The following SLC22A24 variants were observed in gnomAD, a reference collection of about 807,000 sequenced individuals.
The protein encoded by SLC22A24 is steroid transmembrane transporter SLC22A24.
SLC22A24 carries 53 observed loss-of-function variants against 49.8 expected under a neutral mutation model. The observed-to-expected ratio is 1.06, with a 90% CI of 0.85 to 1.34. The LOEUF (loss-of-function observed/expected upper bound fraction) is 1.34. Among genes scored for constraint, SLC22A24 ranks in the 40% most tolerant of loss-of-function variants. SLC22A24 has a pLI of 0.00. For missense variants in SLC22A24, 786 were observed against 675.9 expected (o/e 1.16, Z -1.81); for synonymous variants, 302 against 256.4 (o/e 1.18, Z -1.70).
At chr11:63,106,088 C>T (rs866542799) in intron 4 of SLC22A24, among the ~76,000 whole-genome samples, 3 of 135,102 alleles carry the variant, frequency 2.2e-5, no homozygotes, top group Non-Finnish European at 4.7e-5. Context: ...CCCCTCCCCC[C>T]ACCCCACAAC....
At chr11:63,098,293 A>T (rs1210566991) in intron 5 of SLC22A24, among the ~76,000 whole-genome samples, 1 of 152,198 alleles carries the variant, frequency 6.6e-6, no homozygotes, top group East Asian at 1.9e-4. Flanking sequence ...GACACACAAC[A>T]TACCAAAACC....
chr11:63,108,234 A>G (rs945554786), intron 4 of SLC22A24, among the ~76,000 whole-genome samples: 2 of 152,114 alleles, frequency 1.3e-5, no homozygotes, highest in Non-Finnish European at 2.9e-5. Context: ...GATGGATTAC[A>G]TTTATTGATT....
At chr11:63,125,973 T>C (rs2134673232) in intron 2 of SLC22A24, among the ~76,000 whole-genome samples, 1 of 152,338 alleles carries the variant, frequency 6.6e-6, no homozygotes, top group East Asian at 1.9e-4. Flanking sequence ...GAAGTGTCTG[T>C]TCATATCCTT....
intron 2 of SLC22A24, among the ~76,000 whole-genome samples, chr11:63,121,124 A>G (rs1415436118): frequency 6.6e-6 from 1 of 152,160 alleles, no homozygotes. Context: ...ACTGAGCCCT[A>G]AGATAAACTA....
intron 4 of SLC22A24, among the ~76,000 whole-genome samples, chr11:63,114,323 A>C (rs1196928024): frequency 6.6e-6 from 1 of 152,044 alleles, no homozygotes; most frequent in African/African-American, 2.4e-5. Context: ...TTGATCTTCA[A>C]TCACTGATAC....
rs569663314 is a variant in SLC22A24, at chr11:63,089,739, A to C, written c.1070+6252T>G. ...GGCAAGCAAAAAAAGCAGGAGTTGC[A>C]ATCTTAGTCTCTGATAAAACAGACT... On this transcript the variant is annotated intron_variant, in intron 6 of 9. Transcript: ENST00000612278. Among the ~76,000 whole-genome samples the C allele has an allele frequency of 4.6e-5, 7 of 152,278 alleles. No homozygotes were observed. In the South Asian group the frequency reaches 1.5e-3, roughly 32 times the overall value.
chr11:63,098,901 CAAAT>C (rs1461142576), intron 5 of SLC22A24, among the ~76,000 whole-genome samples: 1 of 151,718 alleles, frequency 6.6e-6, no homozygotes, highest in African/African-American at 2.4e-5. Context: ...AGAGAAGACT[CAAAT>C]AAAATCAGAA....
chr11:63,113,028 AAAAAAAAAT>A (rs2087178677), intron 4 of SLC22A24, among the ~76,000 whole-genome samples: 1 of 52,794 alleles, frequency 1.9e-5, no homozygotes, highest in African/African-American at 7.8e-5. Flanking sequence ...AAAAAAAAAA[AAAAAAAAAT>A]ATATATATAT....
At chr11:63,122,584 G>A (rs1051796895) in intron 2 of SLC22A24, among the ~76,000 whole-genome samples, 5 of 152,102 alleles carry the variant, frequency 3.3e-5, no homozygotes, top group East Asian at 3.9e-4. Flanking sequence ...GTGCCATCTC[G>A]GCTCACTGCA....
chr11:63,131,734 G>A (rs1187712128), intron 2 of SLC22A24, among the ~76,000 whole-genome samples: 1 of 152,058 alleles, frequency 6.6e-6, no homozygotes, highest in East Asian at 1.9e-4. Flanking sequence ...TTTCTACCTT[G>A]GTGAATCTGA....
intron 2 of SLC22A24, among the ~76,000 whole-genome samples, chr11:63,130,076 A>G (rs1387774749): frequency 6.6e-6 from 1 of 152,174 alleles, no homozygotes. Flanking sequence ...GAATGCTTCC[A>G]GTTTTTGCCC....
intron 4 of SLC22A24, among the ~76,000 whole-genome samples, chr11:63,113,035 A>AAAT (rs1565331990): frequency 6.6e-5 from 1 of 15,130 alleles, no homozygotes; most frequent in Admixed American, 9.6e-4. Context: ...AAAAAAAAAA[A>AAAT]ATATATATAT....
At chr11:63,129,528 C>T (rs1412686091) in intron 2 of SLC22A24, among the ~76,000 whole-genome samples, 2 of 152,114 alleles carry the variant, frequency 1.3e-5, no homozygotes, top group South Asian at 2.1e-4. Flanking sequence ...ACATTGGTAG[C>T]TAGATGGGGA....
chr11:63,109,157 T>C (rs1454864262), intron 4 of SLC22A24, among the ~76,000 whole-genome samples: 1 of 150,756 alleles, frequency 6.6e-6, no homozygotes, highest in East Asian at 2.0e-4. Context: ...TCATCCATGT[T>C]CCTACAAAGG....
chr11:63,107,746 G>T (rs768923591), intron 4 of SLC22A24, among the ~76,000 whole-genome samples: 3 of 152,064 alleles, frequency 2.0e-5, no homozygotes, highest in Non-Finnish European at 2.9e-5. Context: ...TCTGTTATTG[G>T]TATATAGGAA....
Position 63,096,003 on chromosome 11 carries a change from A to C in SLC22A24, c.1058T>G (p.Leu353Arg). ...AAATGGAACTTACCTCACAAAGCAC[A>C]GGCCGAAGACTCTCATTCGCAATTT... ...APKLRMRVFG[L>R]CFVRFAITVP... The change falls in exon 6 of 10, where the codon CTG becomes CGG. Residue 353 changes from leucine (L) to arginine (R), a missense_variant. Coordinates refer to ENST00000612278, the MANE Select transcript of SLC22A24 (RefSeq NM_001136506.2). The C allele has an allele frequency of 6.5e-7, 1 of 1,549,366 alleles. No individual in the cohort carries two copies. Among genetic ancestry groups the C allele is most frequent in the Non-Finnish European group, 8.7e-7 (1 of 1,145,202 alleles).
intron 5 of SLC22A24, among the ~76,000 whole-genome samples, chr11:63,099,941 C>T (rs545301454): frequency 1.6e-4 from 24 of 152,106 alleles, no homozygotes; most frequent in African/African-American, 4.6e-4. Context: ...TAATAAAAGC[C>T]AGATATGATA....
chr11:63,108,359 T>TGC, intron 4 of SLC22A24, among the ~76,000 whole-genome samples: 2 of 152,188 alleles, frequency 1.3e-5, no homozygotes, highest in African/African-American at 4.8e-5. Flanking sequence ...AGGATTTTCA[T>TGC]ATCAATGTTC....
chr11:63,087,306 C>T (rs1193647555), intron 6 of SLC22A24, among the ~76,000 whole-genome samples: 5 of 152,088 alleles, frequency 3.3e-5, no homozygotes, highest in African/African-American at 7.2e-5. Flanking sequence ...CAGGGTGGGG[C>T]GTCAGCTCAC....
Sources: gnomAD v4.1 joint callset for allele counts (sites outside exome capture counted in the v4.1 genomes callset) on GRCh38, gnomAD v4.1.1 for gene constraint, MANE v1.5 for transcripts, NCBI Gene and HGNC (gene_info 2026-07-23, HGNC 2026-07-21) for gene names.